The following RCOR1 variants were observed in gnomAD, a reference collection of about 807,000 sequenced individuals.
RCOR1 encodes the protein REST corepressor.
A neutral mutation model predicts 64.0 loss-of-function variants in RCOR1; 12 were observed. That is an observed-to-expected ratio of 0.19 (90% CI 0.12 to 0.30). The LOEUF is 0.30. RCOR1 is among the 10% of genes least tolerant of loss of function. The pLI, the probability that RCOR1 is intolerant of heterozygous loss-of-function variation, is 1.00. For synonymous variants in RCOR1, 279 were observed against 227.2 expected (o/e 1.23, Z -2.05); for missense variants, 502 against 621.2 (o/e 0.81, Z 2.04).
chr14:102,670,440 T>A (rs185775119), intron 2 of RCOR1, among the ~76,000 whole-genome samples: 19 of 152,252 alleles, frequency 1.2e-4, no homozygotes, highest in Admixed American at 1.2e-3. Context: ...TTAAAGATGG[T>A]TTGATAACAT....
chr14:102,619,271 A>G (rs1408818617), intron 2 of RCOR1, among the ~76,000 whole-genome samples: 2 of 152,044 alleles, frequency 1.3e-5, no homozygotes, highest in Non-Finnish European at 2.9e-5. Flanking sequence ...GCAGGCGTGC[A>G]CTACACGCCC....
chr14:102,598,380 C>T (rs1232675862), intron 2 of RCOR1, among the ~76,000 whole-genome samples: 2 of 151,762 alleles, frequency 1.3e-5, no homozygotes, highest in Non-Finnish European at 2.9e-5. Context: ...AGATTTAATT[C>T]TGTCATGCCT....
intron 2 of RCOR1, among the ~76,000 whole-genome samples, chr14:102,626,167 T>C (rs762721261): frequency 2.0e-5 from 3 of 152,222 alleles, no homozygotes; most frequent in Non-Finnish European, 1.5e-5. Context: ...TCTTACGCTT[T>C]TGTTCAGCTT....
In RCOR1 at chr14:102,592,674, T is replaced by A. The variant is rs1479899817; in HGVS notation, c.-213T>A. The A allele has an allele frequency of 1.1e-5, 13 of 1,225,868 alleles. No individual in the cohort carries two copies. The Admixed American group carries it at 4.3e-4, about 40-fold the overall frequency. The allele number at this position is 1,225,868 out of a possible 1,614,324, so 75.9% of individuals were successfully genotyped here. Reference sequence around the variant, plus strand: ...GGTGCCAGTGAAGTGAGGGCGGCGATGAGAGCGAAAGTTGCGCTCGGCTCG... The same window carrying A: ...GGTGCCAGTGAAGTGAGGGCGGCGAAGAGAGCGAAAGTTGCGCTCGGCTCG... On this transcript the variant is annotated 5_prime_UTR_variant, in exon 1 of 12. The change abolishes an upstream ATG in the 5' untranslated region. Coordinates refer to ENST00000262241, the MANE Select transcript of RCOR1 (RefSeq NM_015156.4).
intron 2 of RCOR1, chr14:102,662,742 A>G (rs1894849571): frequency 1.1e-5 from 4 of 377,098 alleles, no homozygotes; most frequent in East Asian, 1.2e-4. Flanking sequence ...TTTAATGTGT[A>G]CAGTTTCCAT....
chr14:102,618,855 C>G (rs192191596), intron 2 of RCOR1, among the ~76,000 whole-genome samples: 129 of 152,134 alleles, frequency 8.5e-4, no homozygotes, highest in Non-Finnish European at 1.4e-3. Context: ...GAAGGAAAGG[C>G]TTTCCAGAGT....
chr14:102,654,794 T>G lies in RCOR1; in HGVS notation c.362-27101T>G, dbSNP rs866842568. Among the ~76,000 whole-genome samples the G allele has an allele frequency of 2.8e-3, 426 of 150,292 alleles. 6 individuals are homozygous for G. The highest frequency in any genetic ancestry group is 0.01 in the African/African-American group (405 of 40,496). On this transcript the variant is annotated intron_variant, in intron 2 of 11. Transcript: ENST00000262241. The stretch of plus-strand genomic sequence containing the variant: ...TCTTTCCCTGTGGTTGAGTTTTTTT[T>G]TTTTTTTTTTTTCCTGTTCTTTTCC...
At chr14:102,699,104 G>C (rs116390946) in intron 3 of RCOR1, among the ~76,000 whole-genome samples, 5,553 of 152,204 alleles carry the variant, frequency 0.036, 191 homozygotes, top group African/African-American at 0.087. Flanking sequence ...CCAGGATGAT[G>C]TTGATCTCTT....
At chr14:102,641,679 G>C (rs780733799) in intron 2 of RCOR1, among the ~76,000 whole-genome samples, 1 of 152,144 alleles carries the variant, frequency 6.6e-6, no homozygotes, top group Non-Finnish European at 1.5e-5. Flanking sequence ...ACAATTTGGG[G>C]AAGTAATTGC....
intron 2 of RCOR1, among the ~76,000 whole-genome samples, chr14:102,653,480 G>A (rs558533526): frequency 4.6e-5 from 7 of 152,270 alleles, no homozygotes; most frequent in African/African-American, 9.6e-5. Context: ...GAGCCACCAC[G>A]TGCAGCCTAT....
chr14:102,633,744 G>A (rs1438539498), intron 2 of RCOR1, among the ~76,000 whole-genome samples: 1 of 151,714 alleles, frequency 6.6e-6, no homozygotes, highest in Non-Finnish European at 1.5e-5. Flanking sequence ...TCACCATGTT[G>A]GCCAGGCTGG....
intron 11 of RCOR1, among the ~76,000 whole-genome samples, chr14:102,724,845 C>T (rs1008221631): frequency 7.9e-5 from 12 of 152,088 alleles, no homozygotes; most frequent in Non-Finnish European, 1.3e-4. Context: ...GTAATTTCAC[C>T]TTTTTATTTG....
chr14:102,696,144 T>G lies in RCOR1; in HGVS notation c.446-5134T>G, dbSNP rs1895644686. Among the ~76,000 whole-genome samples the G allele has an allele frequency of 2.0e-5, 3 of 152,098 alleles. No individual in the cohort carries two copies. In the South Asian group the frequency reaches 6.2e-4, roughly 32 times the overall value. On this transcript the variant is annotated intron_variant, in intron 3 of 11. Coordinates refer to ENST00000262241, the MANE Select transcript of RCOR1 (RefSeq NM_015156.4). ...ATTCCCATACTGTCCTACATCTGTGTTGTTATTTCGTGTGTTTGTTCTCTT... is the reference window on the plus strand; with the variant it reads ...ATTCCCATACTGTCCTACATCTGTGGTGTTATTTCGTGTGTTTGTTCTCTT...
intron 3 of RCOR1, among the ~76,000 whole-genome samples, chr14:102,689,113 G>A (rs931701532): frequency 1.7e-4 from 26 of 152,190 alleles, no homozygotes; most frequent in Non-Finnish European, 2.8e-4. Flanking sequence ...GCAGCTGAAC[G>A]TTAACAAAGT....
In RCOR1 at chr14:102,678,157, C is replaced by T. The variant is rs566656056; in HGVS notation, c.362-3738C>T. ...CAGTGAGCCGAGATGGCAGCAGTAC[C>T]GTCCAGCTTTGGCTCGGCATCAGAG... On this transcript the variant is annotated intron_variant, in intron 2 of 11. Transcript: ENST00000262241. 1.3e-3 allele frequency among the ~76,000 whole-genome samples: 199 copies of T among 151,916 alleles called. 1 individual carries two copies. The highest frequency in any genetic ancestry group is 4.5e-3 in the African/African-American group (185 of 41,450).
intron 2 of RCOR1, among the ~76,000 whole-genome samples, chr14:102,644,144 A>C (rs182818935): frequency 6.6e-6 from 1 of 152,218 alleles, no homozygotes; most frequent in Non-Finnish European, 1.5e-5. Context: ...GGCTGGCCAG[A>C]CAGCTTTCTT....
Position 102,721,037 on chromosome 14 carries a change from C to G in RCOR1, c.1084C>G (p.Leu362Val), listed in dbSNP as rs1896159796. 1 of 1,573,804 alleles carries G rather than the reference C, an allele frequency of 6.4e-7. No homozygotes were observed. The highest frequency in any genetic ancestry group is 8.7e-7 in the Non-Finnish European group (1 of 1,155,640). ...IQNIKQTNSA[L>V]KEKLDGGIEP... is the part of the protein sequence containing the mutation. ...GAATATTAAACAGACAAACAGTGCTCTCAAAGAAAAACTTGATGGTGGAAT... is the reference window on the plus strand; with the variant it reads ...GAATATTAAACAGACAAACAGTGCTGTCAAAGAAAAACTTGATGGTGGAAT... The change falls in exon 9 of 12, where the codon CTC becomes GTC. Residue 362 changes from leucine to valine, a missense_variant. Transcript: ENST00000262241.
intron 2 of RCOR1, chr14:102,649,688 T>C (rs1346233996): frequency 1.9e-6 from 1 of 525,958 alleles, no homozygotes; most frequent in Non-Finnish European, 2.4e-6. Context: ...TTCTGTGGGG[T>C]AATTCTGGTG....
At chr14:102,649,220 A>G (rs955562237) in intron 2 of RCOR1, among the ~76,000 whole-genome samples, 5 of 152,196 alleles carry the variant, frequency 3.3e-5, no homozygotes, top group Non-Finnish European at 5.9e-5. Flanking sequence ...ACTTACAACA[A>G]CAGAATGCAA....
Sources: allele counts gnomAD v4.1 joint callset (sites outside exome capture counted in the v4.1 genomes callset), GRCh38; gene constraint gnomAD v4.1.1; transcripts MANE v1.5; gene names NCBI Gene and HGNC (gene_info 2026-07-23, HGNC 2026-07-21).